OR9Q1: variants seen among roughly 807,000 people sequenced by gnomAD.
OR9Q1 encodes olfactory receptor family 9 subfamily Q member 1.
For missense variants in OR9Q1, 374 were observed against 378.8 expected (o/e 0.99, Z 0.11); for synonymous variants, 153 against 148.6 (o/e 1.03, Z -0.22).
chr11:58,169,381 ATCC>A (rs1315440026), intron 2 of OR9Q1, among the ~76,000 whole-genome samples: 1 of 152,060 alleles, frequency 6.6e-6, no homozygotes, highest in Non-Finnish European at 1.5e-5. Context: ...AAATATTATC[ATCC>A]TCTTTTTATA....
Position 58,110,679 on chromosome 11 carries a change from C to T in OR9Q1, c.-15+54732C>T, listed in dbSNP as rs1184885630. ...AGACATTTCTTGTTTTGCTATCCTA[C>T]ACTGGTCCTTCTCGACAGTACGCCT... is the stretch of plus-strand genomic sequence containing the variant. On this transcript the variant is annotated intron_variant, in intron 2 of 2. Coordinates refer to ENST00000335397, the MANE Select transcript of OR9Q1 (RefSeq NM_001005212.4). Among the ~76,000 whole-genome samples, 3 of 152,324 alleles carry T rather than the reference C, an allele frequency of 2.0e-5. No homozygotes were observed. The South Asian group carries it at 6.2e-4, about 32-fold the overall frequency.
chr11:58,074,458 T>C (rs1226885535), intron 2 of OR9Q1, among the ~76,000 whole-genome samples: 1 of 152,186 alleles, frequency 6.6e-6, no homozygotes, highest in South Asian at 2.1e-4. Context: ...GGAGTTGTTT[T>C]TTTTTCTTGT....
At chr11:58,058,698 T>TGATGCTGTC (rs1315323796) in intron 2 of OR9Q1, among the ~76,000 whole-genome samples, 1 of 151,944 alleles carries the variant, frequency 6.6e-6, no homozygotes, top group African/African-American at 2.4e-5. Flanking sequence ...GCCATGCTGT[T>TGATGCTGTC]GATGCTGTCA....
intron 1 of OR9Q1, among the ~76,000 whole-genome samples, chr11:58,053,453 TGGGGGGA>T (rs1188010780): frequency 4.6e-5 from 2 of 43,606 alleles, no homozygotes; most frequent in Non-Finnish European, 8.0e-5. Flanking sequence ...TGTTGTGGGG[TGGGGGGA>T]GGGGGGAGGG....
intron 2 of OR9Q1, chr11:58,078,285 A>G (rs192829657): frequency 6.6e-6 from 1 of 152,332 alleles, no homozygotes; most frequent in East Asian, 1.9e-4. Flanking sequence ...TTGGCAGGAA[A>G]CACTAAGTTC....
chr11:58,032,498 CA>C (rs1264670159), intron 1 of OR9Q1, among the ~76,000 whole-genome samples: 9 of 152,078 alleles, frequency 5.9e-5, no homozygotes, highest in Admixed American at 5.9e-4. Context: ...AAAAAGCTGA[CA>C]AAAATAAGCA....
At position 58,078,014 on chromosome 11, in the gene OR9Q1, A is replaced by T. The variant is rs1273093379; in HGVS notation, c.-15+22067A>T. The T allele has an allele frequency of 3.3e-5, 5 of 152,202 alleles. No individual in the cohort carries two copies. In the East Asian group the frequency reaches 9.7e-4, roughly 29 times the overall value. The allele number at this position is 152,202 out of a possible 1,614,324, so 9.4% of individuals were successfully genotyped here. A position where few individuals can be genotyped will look rare whatever the true frequency, so the allele number is the denominator to read the frequency against. ...TTTACTGAAAATACAAAAATTAGCC[A>T]GGCATGGTGGTGCATGCCTGTAATT... On this transcript the variant is annotated intron_variant, in intron 2 of 2. Transcript: ENST00000335397.
intron 2 of OR9Q1, among the ~76,000 whole-genome samples, chr11:58,132,644 G>A (rs1854152852): frequency 6.6e-6 from 1 of 152,132 alleles, no homozygotes; most frequent in Admixed American, 6.6e-5. Context: ...GGTCAGAAAG[G>A]GTCACCTTGG....
chr11:58,032,910 A>G (rs2119917571), intron 1 of OR9Q1, among the ~76,000 whole-genome samples: 1 of 152,304 alleles, frequency 6.6e-6, no homozygotes, highest in Middle Eastern at 3.4e-3. Flanking sequence ...AATCAACAAG[A>G]AAAAAACAAT....
chr11:58,132,787 G>A (rs565230232), intron 2 of OR9Q1, among the ~76,000 whole-genome samples: 1 of 152,340 alleles, frequency 6.6e-6, no homozygotes, highest in Middle Eastern at 3.4e-3. Context: ...AAACTTTGCA[G>A]AGGCCCTTTT....
At chr11:58,027,151 G>A (rs968547782) in intron 1 of OR9Q1, among the ~76,000 whole-genome samples, 1 of 152,190 alleles carries the variant, frequency 6.6e-6, no homozygotes, top group African/African-American at 2.4e-5. Flanking sequence ...GGGCTTCTGT[G>A]CAGGTGCAAT....
intron 2 of OR9Q1, among the ~76,000 whole-genome samples, chr11:58,139,471 C>T (rs187668019): frequency 2.7e-3 from 404 of 151,228 alleles, no homozygotes; most frequent in African/African-American, 9.3e-3. Flanking sequence ...GTGTGATGTT[C>T]CCCTTCCTGT....
At chr11:58,177,613 G>A (rs948644884) in intron 2 of OR9Q1, among the ~76,000 whole-genome samples, 1 of 152,182 alleles carries the variant, frequency 6.6e-6, no homozygotes, top group Admixed American at 6.5e-5. Flanking sequence ...TAAGCACATT[G>A]TTAGGTTGAG....
chr11:58,068,023 C>A (rs867570680), intron 2 of OR9Q1, among the ~76,000 whole-genome samples: 1 of 152,054 alleles, frequency 6.6e-6, no homozygotes, highest in Non-Finnish European at 1.5e-5. Flanking sequence ...AGAGAGACAA[C>A]CTGCCATGAG....
chr11:58,111,819 T>G (rs1324021194), intron 2 of OR9Q1, among the ~76,000 whole-genome samples: 2 of 152,178 alleles, frequency 1.3e-5, no homozygotes, highest in South Asian at 2.1e-4. Context: ...TACTATCCTA[T>G]TCTATGACTT....
At position 58,031,504 on chromosome 11, in the gene OR9Q1, TGCCTCACCCTTGCTA is replaced by T. The variant is rs747265497; in HGVS notation, c.-93+7405_-93+7419del. On this transcript the variant is annotated intron_variant, in intron 1 of 2. Coordinates refer to ENST00000335397, the MANE Select transcript of OR9Q1 (RefSeq NM_001005212.4). ...ATGTCATTGACCATTTCTCCTGTGA[TGCCTCACCCTTGCTA>T]GCCTTGTCGTGCTCAGATGTCACTT... 3 of 1,614,204 alleles carry T rather than the reference TGCCTCACCCTTGCTA, an allele frequency of 1.9e-6. No homozygotes were observed. The East Asian group carries it at 6.7e-5, about 36-fold the overall frequency.
At chr11:58,039,976 C>T (rs139212301) in intron 1 of OR9Q1, among the ~76,000 whole-genome samples, 1 of 152,266 alleles carries the variant, frequency 6.6e-6, no homozygotes, top group East Asian at 1.9e-4. Context: ...ATTTATTACT[C>T]CTAAATTTAT....
intron 2 of OR9Q1, among the ~76,000 whole-genome samples, chr11:58,098,862 A>T (rs1853756908): frequency 6.6e-6 from 1 of 152,158 alleles, no homozygotes; most frequent in Non-Finnish European, 1.5e-5. Flanking sequence ...TCTAAACACT[A>T]CTTTAGAATC....
At chr11:58,127,720 C>T (rs569093945) in intron 2 of OR9Q1, among the ~76,000 whole-genome samples, 1 of 152,310 alleles carries the variant, frequency 6.6e-6, no homozygotes, top group South Asian at 2.1e-4. Context: ...CTTAAAGATG[C>T]TCTTTTTTCC....
Sources: allele counts gnomAD v4.1 joint callset (sites outside exome capture counted in the v4.1 genomes callset), GRCh38; gene constraint gnomAD v4.1.1; transcripts MANE v1.5; gene names NCBI Gene and HGNC (gene_info 2026-07-23, HGNC 2026-07-21).